BBX: variants seen among roughly 807,000 people sequenced by gnomAD.
BBX encodes HMG box transcription factor BBX.
A neutral mutation model predicts 100.2 loss-of-function variants in BBX; 30 were observed. The ratio of observed to expected loss-of-function variants is 0.30; its 90% CI spans 0.22 to 0.41. BBX has a LOEUF of 0.41. Ranked by LOEUF, BBX falls within the 10% of genes least tolerant of loss-of-function variation. BBX has a pLI of 1.00. For synonymous variants in BBX, 376 were observed against 388.1 expected, an observed-to-expected ratio of 0.97 and a Z score of 0.37; for missense variants, 1,023 against 1,129.8, an observed-to-expected ratio of 0.91 and a Z score of 1.35.
intron 3 of BBX, among the ~76,000 whole-genome samples, chr3:107,706,190 AT>A (rs1225763073): frequency 6.6e-6 from 1 of 151,864 alleles, no homozygotes; most frequent in Non-Finnish European, 1.5e-5. Context: ...CAACCAGTTA[AT>A]TTTTGTATTG....
intron 3 of BBX, among the ~76,000 whole-genome samples, chr3:107,700,434 T>C (rs2060954579): frequency 6.8e-6 from 1 of 148,046 alleles, no homozygotes; most frequent in South Asian, 2.1e-4. Flanking sequence ...ATTATTATTA[T>C]TATTATTATT....
intron 3 of BBX, among the ~76,000 whole-genome samples, chr3:107,686,714 T>G (rs1444976831): frequency 2.6e-5 from 4 of 152,156 alleles, no homozygotes; most frequent in Admixed American, 2.0e-4. Context: ...TGGATTGATG[T>G]GAGGAGGCCC....
intron 2 of BBX, among the ~76,000 whole-genome samples, chr3:107,547,497 T>A (rs1056236672): frequency 1.3e-5 from 2 of 152,166 alleles, no homozygotes; most frequent in African/African-American, 4.8e-5. Context: ...CATACGACTT[T>A]AAGATCTGAT....
intron 3 of BBX, among the ~76,000 whole-genome samples, chr3:107,678,529 G>A (rs1460026750): frequency 6.6e-6 from 1 of 152,022 alleles, no homozygotes; most frequent in African/African-American, 2.4e-5. Context: ...TTTGAGATAA[G>A]CCTAGGCAAC....
At chr3:107,544,906 A>T (rs1254339978) in intron 2 of BBX, among the ~76,000 whole-genome samples, 2 of 151,422 alleles carry the variant, frequency 1.3e-5, no homozygotes, top group Non-Finnish European at 2.9e-5. Flanking sequence ...AGTCCCAGCT[A>T]CTCAGGAGGC....
intron 16 of BBX, 150 bp downstream of exon 16, chr3:107,798,870 G>T (rs1339228778): frequency 2.3e-6 from 2 of 873,814 alleles, no homozygotes; most frequent in African/African-American, 1.7e-5. Context: ...AAAAAACCAG[G>T]CCAGGCGCGG....
At chr3:107,794,648 G>A (rs1465293019) in intron 15 of BBX, among the ~76,000 whole-genome samples, 2 of 152,140 alleles carry the variant, frequency 1.3e-5, no homozygotes, top group African/African-American at 2.4e-5. Flanking sequence ...TGTTGGATAA[G>A]GCTCATTCGT....
At chr3:107,558,309 A>T (rs1211833741) in intron 2 of BBX, among the ~76,000 whole-genome samples, 1 of 152,158 alleles carries the variant, frequency 6.6e-6, no homozygotes, top group East Asian at 1.9e-4. Flanking sequence ...CAATGTGGAG[A>T]AACCCCGTTT....
At chr3:107,766,321 A>T (rs1434291533) in intron 10 of BBX, among the ~76,000 whole-genome samples, 1 of 152,228 alleles carries the variant, frequency 6.6e-6, no homozygotes, top group Non-Finnish European at 1.5e-5. Flanking sequence ...AAGGAGAAAT[A>T]CAAAAATACA....
intron 3 of BBX, among the ~76,000 whole-genome samples, chr3:107,648,519 G>A (rs1339945319): frequency 6.6e-6 from 1 of 152,066 alleles, no homozygotes; most frequent in Non-Finnish European, 1.5e-5. Context: ...GAGGAAATGG[G>A]TACTTCGCTT....
chr3:107,717,405 A>T (rs2062182904), intron 5 of BBX, among the ~76,000 whole-genome samples: 1 of 151,764 alleles, frequency 6.6e-6, no homozygotes. Flanking sequence ...TCCTAATGTT[A>T]TTGGAATGAG....
chr3:107,705,723 A>G (rs1196129115), intron 3 of BBX, among the ~76,000 whole-genome samples: 1 of 152,192 alleles, frequency 6.6e-6, no homozygotes, highest in African/African-American at 2.4e-5. Flanking sequence ...GGATTTGCCA[A>G]CAGTGAACGA....
intron 15 of BBX, among the ~76,000 whole-genome samples, chr3:107,791,799 G>C (rs530131311): frequency 6.6e-6 from 1 of 152,274 alleles, no homozygotes; most frequent in Non-Finnish European, 1.5e-5. Context: ...TCAGGAGTTC[G>C]AGACTAGCCT....
intron 15 of BBX, among the ~76,000 whole-genome samples, chr3:107,796,166 C>CAGT (rs2069639882): frequency 6.6e-6 from 1 of 152,190 alleles, no homozygotes; most frequent in African/African-American, 2.4e-5. Flanking sequence ...ATTTAAAAGT[C>CAGT]AGTAGTAGAA....
At chr3:107,745,064 T>A (rs2064458010) in intron 8 of BBX, among the ~76,000 whole-genome samples, 1 of 152,212 alleles carries the variant, frequency 6.6e-6, no homozygotes, top group Non-Finnish European at 1.5e-5. Flanking sequence ...CAGCTCATGG[T>A]TATTGGCTAT....
intron 3 of BBX, among the ~76,000 whole-genome samples, chr3:107,690,326 G>A (rs761494892): frequency 6.6e-6 from 1 of 152,094 alleles, no homozygotes; most frequent in Non-Finnish European, 1.5e-5. Flanking sequence ...CTAAGTGAAA[G>A]CATTCTCTCC....
chr3:107,579,914 T>C (rs1445439768), intron 2 of BBX, among the ~76,000 whole-genome samples: 1 of 152,206 alleles, frequency 6.6e-6, no homozygotes, highest in Non-Finnish European at 1.5e-5. Flanking sequence ...TATAGAATTT[T>C]AAAATCTAGT....
At position 107,772,887 on chromosome 3, in the gene BBX, C is replaced by T. The variant is rs2067017095; in HGVS notation, c.1166C>T (p.Pro389Leu). The part of the protein sequence containing the change: ...DDIMAIKMED[P>L]KEIRKEELEE... ...ATAATGGCTATAAAAATGGAAGATC[C>T]CAAAGAAATTAGAAAGGAAGAGTTA... The change falls in exon 11 of 18, where the codon CCC becomes CTC. Residue 389 changes from proline (P) to leucine (L), a missense_variant. By Grantham distance (98) the Pro-to-Leu change is moderately conservative (BLOSUM62 -3). Transcript: ENST00000325805. 1 of 1,611,048 alleles carries T rather than the reference C, an allele frequency of 6.2e-7. No homozygotes were observed. Among genetic ancestry groups the T allele is most frequent in the African/African-American group, 1.3e-5 (1 of 74,574 alleles).
chr3:107,771,247 A>G (rs1185691233), intron 10 of BBX, among the ~76,000 whole-genome samples: 2 of 152,098 alleles, frequency 1.3e-5, no homozygotes, highest in Non-Finnish European at 2.9e-5. Flanking sequence ...CCTTGCAGTT[A>G]AGTGTGTATA....
Sources: allele counts gnomAD v4.1 joint callset (sites outside exome capture counted in the v4.1 genomes callset), GRCh38; gene constraint gnomAD v4.1.1; transcripts MANE v1.5; gene names NCBI Gene and HGNC (gene_info 2026-07-23, HGNC 2026-07-21).